ADAMTSL1: variants seen among roughly 807,000 people sequenced by gnomAD.
The protein encoded by ADAMTSL1 is ADAMTS-like protein 1.
A neutral mutation model predicts 201.8 loss-of-function variants in ADAMTSL1; 126 were observed. The observed-to-expected ratio is 0.62, with a 90% CI of 0.54 to 0.72. The LOEUF (loss-of-function observed/expected upper bound fraction) is 0.72, where lower values mean the gene tolerates loss of function less well. Ranked by LOEUF, ADAMTSL1 falls within the 30% of genes least tolerant of loss-of-function variation. ADAMTSL1 has a pLI of 0.00. For synonymous variants in ADAMTSL1, 1,121 were observed against 903.4 expected (o/e 1.24, Z -4.32); for missense variants, 2,679 against 2,277.8 (o/e 1.18, Z -3.59).
intron 1 of ADAMTSL1, among the ~76,000 whole-genome samples, chr9:18,495,452 A>G (rs764068126): frequency 2.0e-5 from 3 of 152,126 alleles, no homozygotes; most frequent in African/African-American, 4.8e-5. Context: ...TCTACCTTAC[A>G]TGGTTTCCTA....
intron 1 of ADAMTSL1, among the ~76,000 whole-genome samples, chr9:18,136,036 A>T (rs1014215160): frequency 3.9e-5 from 6 of 152,158 alleles, no homozygotes; most frequent in African/African-American, 1.2e-4. Context: ...CACAGCCAGG[A>T]TTCAAACCCT....
At chr9:18,525,706 G>A (rs1272917826) in intron 2 of ADAMTSL1, among the ~76,000 whole-genome samples, 3 of 152,136 alleles carry the variant, frequency 2.0e-5, no homozygotes, top group African/African-American at 7.2e-5. Flanking sequence ...TTTGTACCCA[G>A]TAGTCATTCA....
chr9:17,964,868 T>C (rs1468033318), intron 1 of ADAMTSL1, among the ~76,000 whole-genome samples: 1 of 152,060 alleles, frequency 6.6e-6, no homozygotes, highest in African/African-American at 2.4e-5. Flanking sequence ...TCTGGATTTC[T>C]TTTCTTTTCT....
chr9:18,718,070 T>C, intron 14 of ADAMTSL1: 3 of 1,485,454 alleles, frequency 2.0e-6, no homozygotes, highest in East Asian at 2.3e-5. Flanking sequence ...CTCATTAACA[T>C]TTATTTTGAA....
intron 2 of ADAMTSL1, among the ~76,000 whole-genome samples, chr9:18,164,269 C>G (rs547449127): frequency 1.1e-4 from 17 of 151,986 alleles, no homozygotes; most frequent in Middle Eastern, 3.4e-3. Flanking sequence ...GCCAGCGAGT[C>G]TGAACATGAA....
intron 25 of ADAMTSL1, among the ~76,000 whole-genome samples, chr9:18,890,033 C>T (rs1286568608): frequency 6.6e-6 from 1 of 152,164 alleles, no homozygotes; most frequent in Non-Finnish European, 1.5e-5. Flanking sequence ...CTTCCCAGGC[C>T]CTGGCAAGCC....
intron 15 of ADAMTSL1, among the ~76,000 whole-genome samples, chr9:18,725,581 A>G (rs1817837664): frequency 6.6e-6 from 1 of 152,248 alleles, no homozygotes. Context: ...TCAGTCATTA[A>G]AAAAGAAATC....
At chr9:18,764,483 A>G (rs1022208955) in intron 16 of ADAMTSL1, among the ~76,000 whole-genome samples, 3 of 152,198 alleles carry the variant, frequency 2.0e-5, no homozygotes, top group African/African-American at 4.8e-5. Flanking sequence ...GATGCCATTT[A>G]TATCCTTCTC....
At chr9:18,273,112 C>T (rs1009894263) in intron 2 of ADAMTSL1, among the ~76,000 whole-genome samples, 4 of 152,134 alleles carry the variant, frequency 2.6e-5, no homozygotes, top group African/African-American at 9.7e-5. Flanking sequence ...TGGAGTCTCA[C>T]TCTGTTACCC....
chr9:18,036,012 T>G (rs1451974901), intron 1 of ADAMTSL1, among the ~76,000 whole-genome samples: 7 of 152,056 alleles, frequency 4.6e-5, no homozygotes. Flanking sequence ...TACAATAAAA[T>G]GAGATGAGTG....
intron 1 of ADAMTSL1, among the ~76,000 whole-genome samples, chr9:18,106,028 A>C (rs1280855811): frequency 6.6e-6 from 1 of 152,176 alleles, no homozygotes. Context: ...TTATCTTTGA[A>C]TTCCTAGAGT....
intron 15 of ADAMTSL1, among the ~76,000 whole-genome samples, chr9:18,742,413 CT>C (rs1818885892): frequency 6.6e-6 from 1 of 152,062 alleles, no homozygotes; most frequent in African/African-American, 2.4e-5. Context: ...GGGATGATAA[CT>C]AGGGGGAAAA....
Position 18,169,552 on chromosome 9 carries a change from G to A in ADAMTSL1, c.207+5571G>A, listed in dbSNP as rs985750036. Among the ~76,000 whole-genome samples the A allele has an allele frequency of 6.6e-5, 10 of 152,094 alleles. No individual in the cohort carries two copies. In the East Asian group the frequency reaches 7.7e-4, roughly 12 times the overall value. On this transcript the variant is annotated intron_variant, in intron 2 of 29. Coordinates refer to the ADAMTSL1 transcript ENST00000680146. Reference sequence around the variant, plus strand: ...AGCCTTGTAGTATAGTTTGAAGTCAGGTAGTGTGATGCCTCCAGCTTTGTT... The same window carrying A: ...AGCCTTGTAGTATAGTTTGAAGTCAAGTAGTGTGATGCCTCCAGCTTTGTT...
intron 13 of ADAMTSL1, among the ~76,000 whole-genome samples, chr9:18,705,070 A>C (rs1202811889): frequency 6.6e-6 from 1 of 152,248 alleles, no homozygotes; most frequent in Non-Finnish European, 1.5e-5. Context: ...GCCCAGGCTC[A>C]GGCCCAGGAC....
At chr9:18,198,051 C>A (rs1321090984) in intron 2 of ADAMTSL1, among the ~76,000 whole-genome samples, 2 of 152,068 alleles carry the variant, frequency 1.3e-5, no homozygotes, top group African/African-American at 4.8e-5. Flanking sequence ...AACTGGCTAG[C>A]CATATGTAGA....
chr9:18,134,123 T>C (rs921353117), intron 1 of ADAMTSL1, among the ~76,000 whole-genome samples: 2 of 152,170 alleles, frequency 1.3e-5, no homozygotes, highest in Non-Finnish European at 1.5e-5. Context: ...GCATGCCTAG[T>C]TTGGCACAGT....
rs1832271578 is a variant in ADAMTSL1 at position 18,706,990 on chromosome 9, C to T, written c.1818C>T (p.Asp606=). 3.1e-6 allele frequency: 5 copies of T among 1,613,940 alleles called. No homozygotes were observed. Among genetic ancestry groups the T allele is most frequent in the South Asian group, 1.1e-5 (1 of 91,074 alleles). The change falls in exon 14 of 29, where the codon GAC becomes GAT. Residue 606 remains aspartate, a synonymous_variant. Transcript: ENST00000380548. ...DGLFGGLQDF[D]ELYDWEYEGF... ...TCTTTGGTGGCCTGCAGGATTTCGACGAGCTGTATGACTGGGAGTATGAGG... is the reference window on the plus strand; with the variant it reads ...TCTTTGGTGGCCTGCAGGATTTCGATGAGCTGTATGACTGGGAGTATGAGG...
intron 1 of ADAMTSL1, among the ~76,000 whole-genome samples, chr9:17,937,813 G>A (rs1159446699): frequency 6.6e-6 from 1 of 152,132 alleles, no homozygotes; most frequent in Non-Finnish European, 1.5e-5. Context: ...AGACTCTAAT[G>A]CTTCCTTTTA....
At chr9:17,940,419 A>G (rs1002418462) in intron 1 of ADAMTSL1, among the ~76,000 whole-genome samples, 1 of 152,058 alleles carries the variant, frequency 6.6e-6, no homozygotes, top group Non-Finnish European at 1.5e-5. Context: ...TTCAATGGCC[A>G]AGTAGGGAGA....
Sources: allele counts gnomAD v4.1 joint callset (sites outside exome capture counted in the v4.1 genomes callset), GRCh38; gene constraint gnomAD v4.1.1; transcripts MANE v1.5; gene names NCBI Gene and HGNC (gene_info 2026-07-23, HGNC 2026-07-21).